The following ABLIM2 variants were observed in gnomAD, a reference collection of about 807,000 sequenced individuals.
ABLIM2 encodes the protein actin-binding LIM protein 2.
Under a neutral mutation model 97.7 loss-of-function variants are expected in ABLIM2, and 53 were observed. That is an observed-to-expected ratio of 0.54 (90% CI 0.44 to 0.68). The LOEUF is 0.68. Among genes scored for constraint, ABLIM2 ranks in the 30% least tolerant of loss-of-function variants. The pLI, the probability that ABLIM2 is intolerant of heterozygous loss-of-function variation, is 0.00. For missense variants in ABLIM2, 835 were observed against 867.2 expected (o/e 0.96, Z 0.47); for synonymous variants, 361 against 345.8 (o/e 1.04, Z -0.49).
At position 8,095,949 on chromosome 4, in the gene ABLIM2, A is replaced by C. The variant is rs900890266; in HGVS notation, c.338+1150T>G. 2.0e-5 allele frequency among the ~76,000 whole-genome samples: 3 copies of C among 151,972 alleles called. No individual in the cohort carries two copies. Among genetic ancestry groups the C allele is most frequent in the African/African-American group, 7.2e-5 (3 of 41,454 alleles). The stretch of plus-strand genomic sequence containing the variant: ...TACAGGGCTTCATATTTGGTCAAAG[A>C]CTCCAAGGTACCTGTGCAGTTCGGC... On this transcript the variant is annotated intron_variant, in intron 3 of 20. Coordinates refer to ENST00000447017, the MANE Select transcript of ABLIM2 (RefSeq NM_001130083.2). The surrounding 1 kb of genome is among the most constrained non-coding windows in gnomAD (Gnocchi z 4.7).
intron 7 of ABLIM2, among the ~76,000 whole-genome samples, chr4:8,059,673 G>A (rs1005495062): frequency 4.3e-4 from 66 of 152,122 alleles, no homozygotes; most frequent in African/African-American, 1.3e-3. Context: ...AGGCCGAGGC[G>A]GGCAGATTGC....
intron 7 of ABLIM2, among the ~76,000 whole-genome samples, chr4:8,059,309 G>T (rs1801368949): frequency 6.6e-6 from 1 of 151,920 alleles, no homozygotes; most frequent in Non-Finnish European, 1.5e-5. Flanking sequence ...GTTGATTACT[G>T]GGGGAAACAG....
At position 7,992,861 on chromosome 4, in the gene ABLIM2, C is replaced by T. The variant is rs748684051; in HGVS notation, c.1680+5G>A. 8.1e-6 allele frequency: 13 copies of T among 1,612,000 alleles called. No individual in the cohort carries two copies. The highest frequency in any genetic ancestry group is 1.3e-5 in the African/African-American group (1 of 74,870). ...CCCTGTGGCCAGGGAGGGGTCAGTA[C>T]CTACCCGCTGGTCCAAGCCATTCTT... On this transcript the variant is annotated splice_donor_5th_base_variant and intron_variant, in intron 17 of 20. Coordinates refer to ENST00000447017, the MANE Select transcript of ABLIM2 (RefSeq NM_001130083.2). The surrounding 1 kb of genome is among the most constrained non-coding windows in gnomAD (Gnocchi z 5.7).
intron 1 of ABLIM2, among the ~76,000 whole-genome samples, chr4:8,126,078 G>A (rs180969531): frequency 8.5e-5 from 13 of 152,262 alleles, no homozygotes; most frequent in African/African-American, 2.9e-4. Context: ...TTCATGGGTT[G>A]GACTCCAGGG....
rs572790926 is a variant in ABLIM2 at position 8,069,321 on chromosome 4, C to T, written c.676-8267G>A. Among the ~76,000 whole-genome samples the T allele has an allele frequency of 5.2e-5, 8 of 152,384 alleles. No homozygotes were observed. Among genetic ancestry groups the T allele is most frequent in the African/African-American group, 1.9e-4 (8 of 41,602 alleles). On this transcript the variant is annotated intron_variant, in intron 6 of 20. Transcript: ENST00000447017. This position sits in a 1 kb window ranked among gnomAD's most constrained non-coding sequence, Gnocchi z 4.2. ...TGAGCGGCCCTAGAGGACCAGAGAACTTGACTAAGTTTGGGAAAGGCTAGG... is the reference window on the plus strand; with the variant it reads ...TGAGCGGCCCTAGAGGACCAGAGAATTTGACTAAGTTTGGGAAAGGCTAGG...
rs566014845 is a variant in ABLIM2, at chr4:8,043,530, G to T, written c.900+1634C>A. 2.0e-5 allele frequency among the ~76,000 whole-genome samples: 3 copies of T among 152,088 alleles called. 1 individual carries two copies. The highest frequency in any genetic ancestry group is 2.0e-4 in the Admixed American group (3 of 15,258). Reference sequence around the variant, plus strand: ...GAGGTCATCAAGTTAAAACAAGACCGTTAGGGTGGATCCAATCCAATCTGC... The same window carrying T: ...GAGGTCATCAAGTTAAAACAAGACCTTTAGGGTGGATCCAATCCAATCTGC... On this transcript the variant is annotated intron_variant, in intron 9 of 20. Transcript: ENST00000447017. The surrounding 1 kb of genome is among the most constrained non-coding windows in gnomAD (Gnocchi z 4.8).
Position 8,088,175 on chromosome 4 carries a change from G to T in ABLIM2, c.448C>A (p.Leu150Ile). Residue 150 changes from leucine to isoleucine, a missense_variant, in exon 4 of 21, where the codon CTC (leucine) becomes ATC (isoleucine). Leu to Ile is a conservative substitution (Grantham distance 5). Coordinates refer to ENST00000447017, the MANE Select transcript of ABLIM2 (RefSeq NM_001130083.2). ...CCACTCAGCGCCCACTTACTTCGGA[G>T]GCCCTGGGACAGGTGCGCGCTGCTG... ...VGSSAHLSQG[L>I]RSCGGCGTEI... 1 of 1,601,520 alleles carries T rather than the reference G, an allele frequency of 6.2e-7. No individual in the cohort carries two copies. The highest frequency in any genetic ancestry group is 8.5e-7 in the Non-Finnish European group (1 of 1,175,836).
intron 1 of ABLIM2, among the ~76,000 whole-genome samples, chr4:8,154,211 C>A (rs1714366095): frequency 6.6e-6 from 1 of 151,204 alleles, no homozygotes; most frequent in East Asian, 1.9e-4. Context: ...ATCCACCCGC[C>A]TCGGCCTCCC....
At chr4:8,056,112 C>CAAAAAAAAAAAAAAAAAAAAAAA (rs60992903) in intron 7 of ABLIM2, among the ~76,000 whole-genome samples, 11 of 68,332 alleles carry the variant, frequency 1.6e-4, no homozygotes, top group Admixed American at 3.2e-4. Flanking sequence ...GACTCTGTCT[C>CAAAAAAAAAAAAAAAAAAAAAAA]AAAAAAAAAA....
chr4:8,077,130 A>C (rs1050543475), intron 6 of ABLIM2, among the ~76,000 whole-genome samples: 5 of 152,122 alleles, frequency 3.3e-5, no homozygotes, highest in Non-Finnish European at 5.9e-5. Context: ...CAAAACGCAG[A>C]AAAGGGCATA....
chr4:7,969,488 T>C (rs1265188156), intron 20 of ABLIM2, among the ~76,000 whole-genome samples: 1 of 152,022 alleles, frequency 6.6e-6, no homozygotes, highest in East Asian at 1.9e-4. Context: ...TCAAGTGCTA[T>C]ATTAGAATCA....
rs938828740 is a variant in ABLIM2 at position 8,122,630 on chromosome 4, T to C, written c.11-15993A>G. Among the ~76,000 whole-genome samples, 7 of 152,158 alleles carry C rather than the reference T, an allele frequency of 4.6e-5. No homozygotes were observed. The highest frequency in any genetic ancestry group is 1.7e-4 in the African/African-American group (7 of 41,446). On this transcript the variant is annotated intron_variant, in intron 1 of 20. Transcript: ENST00000447017. This position sits in a 1 kb window ranked among gnomAD's most constrained non-coding sequence, Gnocchi z 4.1. ...CTCCAAATAGCGTCACCCTGGGGGT[T>C]TGGGCTTCCAAGTGTGAATGCTAGG... is the stretch of plus-strand genomic sequence containing the variant.
Position 8,155,435 on chromosome 4 carries a change from G to A in ABLIM2, c.10+3245C>T, listed in dbSNP as rs114232865. On this transcript the variant is annotated intron_variant, in intron 1 of 20. Transcript: ENST00000447017. The surrounding 1 kb of genome is among the most constrained non-coding windows in gnomAD (Gnocchi z 4.2). ...AGCTGCTTTTCCTTCCCTAAACCTT[G>A]GTTTCCCCCTTTGTGCAGGTGGGTG... is the stretch of plus-strand genomic sequence containing the variant. Among the ~76,000 whole-genome samples, 288 of 152,210 alleles carry A rather than the reference G, an allele frequency of 1.9e-3. 2 individuals are homozygous for A. The highest frequency in any genetic ancestry group is 6.6e-3 in the African/African-American group (274 of 41,526).
chr4:8,126,082 T>A (rs1187187556), intron 1 of ABLIM2, among the ~76,000 whole-genome samples: 1 of 152,148 alleles, frequency 6.6e-6, no homozygotes. Context: ...TGGGTTGGAC[T>A]CCAGGGCCAC....
In ABLIM2 at chr4:8,019,512, C is replaced by T. The variant is rs1171358359; in HGVS notation, c.1423+106G>A. On this transcript the variant is annotated intron_variant, in intron 14 of 20. Coordinates refer to ENST00000447017, the MANE Select transcript of ABLIM2 (RefSeq NM_001130083.2). The surrounding 1 kb of genome is among the most constrained non-coding windows in gnomAD (Gnocchi z 4.3). ...CAGACTGCTAAGGGCCTTGGTGGTGCCTTCACTGCATTTATCAGAACACAA... is the reference window on the plus strand; with the variant it reads ...CAGACTGCTAAGGGCCTTGGTGGTGTCTTCACTGCATTTATCAGAACACAA... 2.7e-6 allele frequency: 3 copies of T among 1,113,174 alleles called. No homozygotes were observed. Among genetic ancestry groups the T allele is most frequent in the African/African-American group, 1.6e-5 (1 of 62,436 alleles). The allele number at this position is 1,113,174 out of a possible 1,614,324, so 69.0% of individuals were successfully genotyped here.
chr4:8,105,510 A>C (rs1452039043), intron 2 of ABLIM2, among the ~76,000 whole-genome samples: 1 of 152,238 alleles, frequency 6.6e-6, no homozygotes, highest in Non-Finnish European at 1.5e-5. Context: ...ACGCCTGATG[A>C]AAATCATCAT....
rs182270187 is a variant in ABLIM2, at chr4:8,082,865, C to T, written c.455-2063G>A. On this transcript the variant is annotated intron_variant, in intron 4 of 20. Coordinates refer to ENST00000447017, the MANE Select transcript of ABLIM2 (RefSeq NM_001130083.2). The surrounding 1 kb of genome is among the most constrained non-coding windows in gnomAD (Gnocchi z 5.6). ...CTTCCTGTGTCTCTGCAGAGTCAGACGACGCACAGCCCTGACTTAGCCTCC... is the reference window on the plus strand; with the variant it reads ...CTTCCTGTGTCTCTGCAGAGTCAGATGACGCACAGCCCTGACTTAGCCTCC... Among the ~76,000 whole-genome samples, 2 of 152,226 alleles carry T rather than the reference C, an allele frequency of 1.3e-5. No individual in the cohort carries two copies. Among genetic ancestry groups the T allele is most frequent in the African/African-American group, 2.4e-5 (1 of 41,462 alleles).
At chr4:8,133,237 A>T (rs1849681647) in intron 1 of ABLIM2, among the ~76,000 whole-genome samples, 1 of 152,144 alleles carries the variant, frequency 6.6e-6, no homozygotes, top group Admixed American at 6.5e-5. Flanking sequence ...TCCATCCCGC[A>T]ATGACCCTAC....
At chr4:8,134,522 C>T (rs1849912263) in intron 1 of ABLIM2, among the ~76,000 whole-genome samples, 1 of 152,222 alleles carries the variant, frequency 6.6e-6, no homozygotes, top group Admixed American at 6.5e-5. Flanking sequence ...TCCCTGCCTG[C>T]AAAATGCAGA....
Sources: gnomAD v4.1 joint callset for allele counts (sites outside exome capture counted in the v4.1 genomes callset) on GRCh38, gnomAD v4.1.1 for gene constraint, Gnocchi (gnomAD v3.1) non-coding constraint, MANE v1.5 for transcripts, NCBI Gene and HGNC (gene_info 2026-07-23, HGNC 2026-07-21) for gene names.